RASA2: variants seen among roughly 807,000 people sequenced by gnomAD.
RASA2 encodes the protein ras GTPase-activating protein 2.
RASA2 carries 155 observed loss-of-function variants against 118.2 expected under a neutral mutation model. The ratio of observed to expected loss-of-function variants is 1.31; its 90% CI spans 1.15 to 1.50. RASA2 has a LOEUF of 1.50. Ranked by LOEUF, RASA2 falls within the 40% of genes most tolerant of loss-of-function variation. The pLI, the probability that RASA2 is intolerant of heterozygous loss-of-function variation, is 0.00. For missense variants in RASA2, 1,016 were observed against 1,009.6 expected (o/e 1.01, Z -0.09); for synonymous variants, 353 against 349.1 (o/e 1.01, Z -0.12).
intron 15 of RASA2, among the ~76,000 whole-genome samples, chr3:141,580,078 AAAAAAAAATATATAT>A (rs2083080576): frequency 6.6e-5 from 7 of 105,294 alleles, no homozygotes; most frequent in Non-Finnish European, 1.2e-4. Context: ...AGAAAAAAAA[AAAAAAAAATATATAT>A]ATATATATAT....
chr3:141,536,760 T>TA, intron 4 of RASA2, among the ~76,000 whole-genome samples: 1 of 150,006 alleles, frequency 6.7e-6, no homozygotes, highest in East Asian at 2.0e-4. Flanking sequence ...CTTGTTAGAT[T>TA]CTTTTTTTTT....
chr3:141,555,831 T>A lies in RASA2; in HGVS notation c.612-9T>A, dbSNP rs764928134. On this transcript the variant is annotated splice_polypyrimidine_tract_variant and intron_variant, in intron 6 of 23. Transcript: ENST00000286364. ...TTCTACAAGGTAAAACTCTACCACA[T>A]TGGAACAGGAATGACCAAAAGAAGA... 6.2e-7 allele frequency: 1 copy of A among 1,607,962 alleles called. No homozygotes were observed. The highest frequency in any genetic ancestry group is 1.7e-5 in the Admixed American group (1 of 59,396).
At chr3:141,497,830 C>G (rs1577638540) in intron 1 of RASA2, among the ~76,000 whole-genome samples, 1 of 151,166 alleles carries the variant, frequency 6.6e-6, no homozygotes, top group Non-Finnish European at 1.5e-5. Context: ...TGAGGTCGCA[C>G]CACTGCACTC....
Position 141,572,678 on chromosome 3 carries a change from G to T in RASA2, c.1239G>T (p.Val413=). 6.2e-7 allele frequency: 1 copy of T among 1,613,370 alleles called. No homozygotes were observed. The highest frequency in any genetic ancestry group is 8.5e-7 in the Non-Finnish European group (1 of 1,179,552). The change falls in exon 12 of 24, where the codon GTG becomes GTT. Residue 413 remains valine, a synonymous_variant. Coordinates refer to ENST00000286364, the MANE Select transcript of RASA2 (RefSeq NM_006506.5). The part of the protein sequence containing the change: ...TRCLDEMMKI[V]GGHYLKVTLK... ...GTCTGGATGAGATGATGAAAATAGT[G>T]GGAGGGCACTACCTGAAAGTAACAT...
At chr3:141,556,019 C>T in intron 7 of RASA2, 107 bp downstream of exon 7, 1 of 850,860 alleles carries the variant, frequency 1.2e-6, no homozygotes, top group Non-Finnish European at 1.8e-6. Flanking sequence ...TCAATTAATG[C>T]AGATAAGCAT....
At chr3:141,495,898 G>A (rs1192486608) in intron 1 of RASA2, among the ~76,000 whole-genome samples, 1 of 152,238 alleles carries the variant, frequency 6.6e-6, no homozygotes, top group African/African-American at 2.4e-5. Flanking sequence ...GTTATGAAAG[G>A]AAAGAACTCC....
intron 9 of RASA2, among the ~76,000 whole-genome samples, chr3:141,564,931 C>T (rs999615792): frequency 1.3e-5 from 2 of 152,124 alleles, no homozygotes; most frequent in Non-Finnish European, 1.5e-5. Context: ...AATTGACCTG[C>T]TTTTAAGTAT....
intron 17 of RASA2, among the ~76,000 whole-genome samples, chr3:141,583,597 T>C (rs1413392986): frequency 2.0e-5 from 3 of 152,182 alleles, no homozygotes; most frequent in Non-Finnish European, 4.4e-5. Context: ...TGGATACTTG[T>C]ACCCACATTA....
chr3:141,594,105 A>C (rs1437846552), intron 19 of RASA2, among the ~76,000 whole-genome samples: 3 of 152,188 alleles, frequency 2.0e-5, no homozygotes, highest in Admixed American at 1.3e-4. Flanking sequence ...CCAAAAAAGA[A>C]AATAAAAAGG....
intron 23 of RASA2, 39 bp downstream of exon 23, chr3:141,610,105 C>T (rs560290301): frequency 2.7e-5 from 40 of 1,485,164 alleles, no homozygotes; most frequent in South Asian, 6.8e-5. Flanking sequence ...TATTTTTAAA[C>T]GGAGTTTGAG....
At chr3:141,562,135 T>G (rs914234701) in intron 9 of RASA2, among the ~76,000 whole-genome samples, 2 of 151,778 alleles carry the variant, frequency 1.3e-5, no homozygotes, top group African/African-American at 2.4e-5. Context: ...GTATTTTTAG[T>G]AGAGACGGGG....
chr3:141,549,484 C>CGTGTGTGTGTGTGTGT (rs56036122), intron 5 of RASA2, among the ~76,000 whole-genome samples: 4 of 145,212 alleles, frequency 2.8e-5, no homozygotes, highest in African/African-American at 1.0e-4. Flanking sequence ...TGTGTGTGTG[C>CGTGTGTGTGTGTGTGT]GTGTGTGTGT....
chr3:141,516,217 A>T (rs2082023125), intron 2 of RASA2, 111 bp from the exon 3 acceptor site: 9 of 714,072 alleles, frequency 1.3e-5, no homozygotes, highest in Non-Finnish European at 1.7e-5. Context: ...TATATATATT[A>T]AAAAAAGAAA....
chr3:141,498,116 A>AT (rs1179796778), intron 1 of RASA2, among the ~76,000 whole-genome samples: 1 of 152,174 alleles, frequency 6.6e-6, no homozygotes, highest in African/African-American at 2.4e-5. Context: ...ACTAATGTTT[A>AT]TTGAGTATTT....
At chr3:141,507,982 G>A (rs2081894311) in intron 1 of RASA2, among the ~76,000 whole-genome samples, 1 of 152,152 alleles carries the variant, frequency 6.6e-6, no homozygotes. Context: ...TTTACTGCAG[G>A]TTTAGAACCT....
At chr3:141,534,746 GA>G (rs1334901216) in intron 4 of RASA2, among the ~76,000 whole-genome samples, 4 of 151,670 alleles carry the variant, frequency 2.6e-5, no homozygotes, top group African/African-American at 7.3e-5. Flanking sequence ...ATTGCAGGTT[GA>G]TTTTTTTTAA....
chr3:141,598,239 GA>G (rs1238979267), intron 19 of RASA2, among the ~76,000 whole-genome samples: 4 of 151,962 alleles, frequency 2.6e-5, no homozygotes, highest in African/African-American at 4.8e-5. Flanking sequence ...GATTTTTCAA[GA>G]AAAAATACAT....
intron 2 of RASA2, among the ~76,000 whole-genome samples, chr3:141,513,055 C>G (rs2081974160): frequency 6.8e-6 from 1 of 146,772 alleles, no homozygotes; most frequent in Non-Finnish European, 1.5e-5. Context: ...AAGAGTGAAA[C>G]TCCATCTCAG....
At chr3:141,553,625 G>A (rs1243079427) in intron 5 of RASA2, among the ~76,000 whole-genome samples, 1 of 151,914 alleles carries the variant, frequency 6.6e-6, no homozygotes, top group Non-Finnish European at 1.5e-5. Flanking sequence ...TAGTGATTGT[G>A]GCATTCCTGT....
Sources: gnomAD v4.1 joint callset for allele counts (sites outside exome capture counted in the v4.1 genomes callset) on GRCh38, gnomAD v4.1.1 for gene constraint, MANE v1.5 for transcripts, NCBI Gene and HGNC (gene_info 2026-07-23, HGNC 2026-07-21) for gene names.